The following DLG2 variants were observed in gnomAD, a reference collection of about 807,000 sequenced individuals.
DLG2 encodes discs large MAGUK scaffold protein 2.
A neutral mutation model predicts 132.5 loss-of-function variants in DLG2; 45 were observed. The observed-to-expected ratio is 0.34, with a 90% CI of 0.27 to 0.44. The LOEUF is 0.44. DLG2 is among the 20% of genes least tolerant of loss of function. The pLI is 1.00. For synonymous variants in DLG2, 424 were observed against 419.6 expected, an observed-to-expected ratio of 1.01 and a Z score of -0.13; for missense variants, 1,045 against 1,196.9, an observed-to-expected ratio of 0.87 and a Z score of 1.87.
intron 8 of DLG2, among the ~76,000 whole-genome samples, chr11:84,244,101 A>G (rs2154345457): frequency 6.6e-6 from 1 of 152,330 alleles, no homozygotes; most frequent in Non-Finnish European, 1.5e-5. Flanking sequence ...ATGATGTACA[A>G]CTAAGCAGCA....
rs530790760 is a variant in DLG2 at position 83,795,959 on chromosome 11, T to C, written c.1723-9167A>G. ...CATGCTATTTTCCATATCTAGAACATAGCTTCTCACTCTTTCCTCATCTGG... is the reference window on the plus strand; with the variant it reads ...CATGCTATTTTCCATATCTAGAACACAGCTTCTCACTCTTTCCTCATCTGG... On this transcript the variant is annotated intron_variant, in intron 17 of 27. Coordinates refer to ENST00000376104, the MANE Select transcript of DLG2 (RefSeq NM_001142699.3). Among the ~76,000 whole-genome samples, 87 of 152,328 alleles carry C rather than the reference T, an allele frequency of 5.7e-4. 1 individual carries two copies. The South Asian group carries it at 0.017, about 30-fold the overall frequency.
At chr11:84,338,163 T>C (rs988687770) in intron 7 of DLG2, among the ~76,000 whole-genome samples, 24 of 152,216 alleles carry the variant, frequency 1.6e-4, no homozygotes, top group Admixed American at 1.5e-3. Context: ...GTATCAAATC[T>C]GTACAGTTCG....
chr11:85,550,045 T>C (rs534510293), intron 3 of DLG2, among the ~76,000 whole-genome samples: 1 of 152,368 alleles, frequency 6.6e-6, no homozygotes, highest in Admixed American at 6.5e-5. Context: ...GTAGCCATTC[T>C]TTTATTCCCT....
intron 6 of DLG2, among the ~76,000 whole-genome samples, chr11:84,762,673 G>A (rs1379423154): frequency 3.9e-5 from 6 of 152,110 alleles, no homozygotes; most frequent in Non-Finnish European, 7.4e-5. Flanking sequence ...TGGAGATCCT[G>A]TGTCCATTCA....
chr11:85,458,318 T>C (rs80296891), intron 3 of DLG2, among the ~76,000 whole-genome samples: 1,617 of 152,312 alleles, frequency 0.011, 24 homozygotes, highest in African/African-American at 0.037. Context: ...TGGCCATTTT[T>C]ATCTATCAGC....
intron 7 of DLG2, among the ~76,000 whole-genome samples, chr11:84,394,609 C>T (rs1218233187): frequency 1.3e-5 from 2 of 151,864 alleles, no homozygotes; most frequent in African/African-American, 4.8e-5. Flanking sequence ...ATTCTAGAAA[C>T]CTCTTGCCTA....
At chr11:84,663,045 C>G (rs2099696265) in intron 6 of DLG2, among the ~76,000 whole-genome samples, 1 of 151,982 alleles carries the variant, frequency 6.6e-6, no homozygotes, top group African/African-American at 2.4e-5. Flanking sequence ...GACATAAATA[C>G]TTTCCTCTGT....
At chr11:84,050,364 G>C (rs1468396914) in intron 11 of DLG2, among the ~76,000 whole-genome samples, 1 of 151,610 alleles carries the variant, frequency 6.6e-6, no homozygotes, top group Non-Finnish European at 1.5e-5. Context: ...CTTGTTGATG[G>C]GGTTGTTTTT....
chr11:84,398,023 TTCTG>T (rs2098816797), intron 7 of DLG2, among the ~76,000 whole-genome samples: 1 of 152,244 alleles, frequency 6.6e-6, no homozygotes, highest in Non-Finnish European at 1.5e-5. Flanking sequence ...TAATAGTGGA[TTCTG>T]TCTAAGGACA....
chr11:83,467,775 A>ATATG (rs1191619731), intron 25 of DLG2, among the ~76,000 whole-genome samples: 1 of 38,206 alleles, frequency 2.6e-5, no homozygotes, highest in Non-Finnish European at 4.6e-5. Flanking sequence ...CTATATGTAT[A>ATATG]TATATATATA....
chr11:84,071,531 A>G (rs1000020767), intron 10 of DLG2, among the ~76,000 whole-genome samples: 1 of 152,100 alleles, frequency 6.6e-6, no homozygotes, highest in African/African-American at 2.4e-5. Flanking sequence ...CAGCCTCCTG[A>G]GTATATCCTT....
intron 6 of DLG2, among the ~76,000 whole-genome samples, chr11:84,657,687 G>GTAGA (rs1451609050): frequency 1.3e-5 from 2 of 152,136 alleles, no homozygotes; most frequent in Non-Finnish European, 2.9e-5. Context: ...CTGACAGGAA[G>GTAGA]TAGAGCTCAG....
At chr11:84,533,598 G>T (rs185853503) in intron 7 of DLG2, among the ~76,000 whole-genome samples, 20 of 152,196 alleles carry the variant, frequency 1.3e-4, no homozygotes, top group African/African-American at 4.6e-4. Context: ...GTAAGGTTAA[G>T]CATAAGTTAA....
intron 6 of DLG2, among the ~76,000 whole-genome samples, chr11:84,927,141 A>G (rs549168570): frequency 6.6e-6 from 1 of 152,138 alleles, no homozygotes; most frequent in South Asian, 2.1e-4. Context: ...ATTATAAAAA[A>G]AGTTTTCAAT....
chr11:83,872,797 T>C lies in DLG2; in HGVS notation c.1565+1623A>G, dbSNP rs142100689. 4.2e-3 allele frequency among the ~76,000 whole-genome samples: 634 copies of C among 152,290 alleles called. 5 individuals are homozygous for C. The highest frequency in any genetic ancestry group is 0.015 in the African/African-American group (605 of 41,554). On this transcript the variant is annotated intron_variant, in intron 16 of 27. Transcript: ENST00000376104. ...TTGTGCTGATGGCCAAAATGTGAAATGATAGCCACCCTGAGCCCTGCCAAG... is the reference window on the plus strand; with the variant it reads ...TTGTGCTGATGGCCAAAATGTGAAACGATAGCCACCCTGAGCCCTGCCAAG...
intron 15 of DLG2, among the ~76,000 whole-genome samples, chr11:83,882,441 A>T (rs1416481421): frequency 6.6e-5 from 10 of 151,028 alleles, no homozygotes; most frequent in Non-Finnish European, 1.5e-4. Flanking sequence ...AGTATGAAGA[A>T]AAACATTAAA....
intron 4 of DLG2, among the ~76,000 whole-genome samples, chr11:85,187,568 G>A (rs1389259395): frequency 6.6e-5 from 10 of 152,134 alleles, no homozygotes; most frequent in Admixed American, 6.6e-4. Flanking sequence ...TCTGGGAAAT[G>A]ACCAAAAGTG....
At chr11:83,613,026 A>G (rs1185736636) in intron 19 of DLG2, among the ~76,000 whole-genome samples, 2 of 152,232 alleles carry the variant, frequency 1.3e-5, no homozygotes. Context: ...TGGAAACAGA[A>G]CATCCCTCCC....
At chr11:85,202,877 G>C (rs2081569199) in intron 4 of DLG2, among the ~76,000 whole-genome samples, 1 of 151,632 alleles carries the variant, frequency 6.6e-6, no homozygotes, top group South Asian at 2.1e-4. Context: ...CATACCAAAA[G>C]CTATGGGATA....
Sources: gnomAD v4.1 joint callset for allele counts (sites outside exome capture counted in the v4.1 genomes callset) on GRCh38, gnomAD v4.1.1 for gene constraint, MANE v1.5 for transcripts, NCBI Gene and HGNC (gene_info 2026-07-23, HGNC 2026-07-21) for gene names.